The following EFCAB5 variants were observed in gnomAD, a reference collection of about 807,000 sequenced individuals.
The protein encoded by EFCAB5 is EF-hand calcium-binding domain-containing protein 5.
Under a neutral mutation model 167.9 loss-of-function variants are expected in EFCAB5, and 131 were observed. The ratio of observed to expected loss-of-function variants is 0.78; its 90% CI spans 0.68 to 0.90. The LOEUF is 0.90. EFCAB5 is among the 40% of genes least tolerant of loss of function. The probability of loss-of-function intolerance (pLI) is 0.00; values close to 1 mark genes in which losing one functional copy is unlikely to be tolerated. For missense variants in EFCAB5, 1,663 were observed against 1,745.2 expected (o/e 0.95, Z 0.84); for synonymous variants, 574 against 602.8 (o/e 0.95, Z 0.70).
At chr17:30,010,820 T>G (rs1413689616) in intron 7 of EFCAB5, among the ~76,000 whole-genome samples, 1 of 152,180 alleles carries the variant, frequency 6.6e-6, no homozygotes, top group Non-Finnish European at 1.5e-5. Context: ...TTAGATCCCA[T>G]TTGTCTATTT....
chr17:29,994,742 C>T (rs1232738393), intron 5 of EFCAB5, among the ~76,000 whole-genome samples: 1 of 152,118 alleles, frequency 6.6e-6, no homozygotes, highest in Non-Finnish European at 1.5e-5. Flanking sequence ...GGAACCCTGT[C>T]TCAAATACTA....
At chr17:30,073,784 A>G (rs1184393613) in intron 14 of EFCAB5, 2 of 585,216 alleles carry the variant, frequency 3.4e-6, no homozygotes, top group Non-Finnish European at 6.4e-6. Context: ...CAGAACAAAG[A>G]GCACTGTGAC....
chr17:30,098,037 C>A (rs1042506889), intron 22 of EFCAB5, among the ~76,000 whole-genome samples: 1 of 152,248 alleles, frequency 6.6e-6, no homozygotes, highest in African/African-American at 2.4e-5. Flanking sequence ...CTGGCTCAAG[C>A]AATCCTCTGG....
intron 3 of EFCAB5, among the ~76,000 whole-genome samples, chr17:29,954,867 C>A (rs2067582535): frequency 1.3e-5 from 2 of 152,218 alleles, no homozygotes; most frequent in Non-Finnish European, 2.9e-5. Flanking sequence ...GCTGTGGGAG[C>A]CCACCTCTTA....
intron 7 of EFCAB5, among the ~76,000 whole-genome samples, chr17:30,023,450 C>T (rs1026313439): frequency 6.6e-6 from 1 of 151,976 alleles, no homozygotes; most frequent in Non-Finnish European, 1.5e-5. Context: ...ATAAATTCCT[C>T]GACACATACA....
In EFCAB5 at chr17:30,053,277, G is replaced by A. The variant is rs191561359; in HGVS notation, c.1323G>A (p.Glu441=). 2.5e-6 allele frequency: 4 copies of A among 1,607,538 alleles called. No individual in the cohort carries two copies. The highest frequency in any genetic ancestry group is 3.4e-5 in the Admixed American group (2 of 58,920). Residue 441 remains glutamate (E), a synonymous_variant, in exon 10 of 23, where the codon GAG becomes GAA. Transcript: ENST00000394835. ...PRQWPFIEFE[E]INLTELWGDM... ...TAGGGCCATTCATTGAATTTGAAGA[G>A]ATAAACTTGACTGAGTTGTGGGGAG...
chr17:30,084,539 TCCTGCCAAAAGTCGGGGGAGAGAA>T (rs2071049196), intron 18 of EFCAB5, among the ~76,000 whole-genome samples: 3 of 152,120 alleles, frequency 2.0e-5, no homozygotes, highest in Admixed American at 6.6e-5. Context: ...GTGAAGAAGA[TCCTGCCAAAAGTCGGGGGAGAGAA>T]GGACCACCCA....
chr17:30,033,653 T>C (rs2069540772), intron 7 of EFCAB5, among the ~76,000 whole-genome samples: 1 of 152,170 alleles, frequency 6.6e-6, no homozygotes, highest in East Asian at 1.9e-4. Context: ...AGCTAGAAAT[T>C]CCACTTCTGG....
rs911310972 is a variant in EFCAB5, at chr17:29,986,637, A to ATTTT, written c.768-6502_768-6499dup. Among the ~76,000 whole-genome samples the ATTTT allele has an allele frequency of 1.7e-3, 97 of 58,074 alleles. 19 individuals carry two copies. The highest frequency in any genetic ancestry group is 3.2e-3 in the African/African-American group (45 of 14,268). The allele number at this position is 58,074 out of a possible 152,430, so 38.1% of individuals were successfully genotyped here. The stretch of plus-strand genomic sequence containing the variant: ...ATGCCTCAATTATAGGAGTATATTC[A>ATTTT]TTTTTTTTTTTTTTTTTTTTTTTTT... On this transcript the variant is annotated intron_variant, in intron 4 of 22. Transcript: ENST00000394835.
chr17:29,968,920 A>G lies in EFCAB5; in HGVS notation c.320A>G (p.Lys107Arg). Residue 107 changes from lysine to arginine, a missense_variant, in exon 4 of 23, where the codon AAA (lysine) becomes AGA (arginine). Physicochemically the swap from Lys to Arg is conservative, Grantham distance 26 (BLOSUM62 2). Coordinates refer to ENST00000394835, the MANE Select transcript of EFCAB5 (RefSeq NM_198529.4). Reference protein sequence around the residue: ...VIFALDETELKSKPEHTWKKN... With the variant: ...VIFALDETELRSKPEHTWKKN... ...TTTGCTTTAGATGAAACTGAACTGA[A>G]ATCAAAGCCAGAGCACACATGGAAG... 6.3e-7 allele frequency: 1 copy of G among 1,581,540 alleles called. No homozygotes were observed. The highest frequency in any genetic ancestry group is 8.6e-7 in the Non-Finnish European group (1 of 1,162,942).
chr17:30,047,533 A>G (rs1280538081), intron 8 of EFCAB5, among the ~76,000 whole-genome samples: 1 of 152,196 alleles, frequency 6.6e-6, no homozygotes, highest in Non-Finnish European at 1.5e-5. Flanking sequence ...GCTCATAAGT[A>G]TAATTAATAA....
rs546942865 is a variant in EFCAB5, at chr17:30,003,107, G to T, written c.1044+3131G>T. 8.6e-5 allele frequency among the ~76,000 whole-genome samples: 12 copies of T among 139,182 alleles called. No individual in the cohort carries two copies. The South Asian group carries it at 2.3e-3, about 27-fold the overall frequency. 91.3% of individuals were successfully genotyped at this position (139,182 alleles called of 152,430 possible). ...CTCTTTTTTTTTTGTAGCGGGGGGG[G>T]GGTCTGATATTTCCTCTGTTGTTCG... On this transcript the variant is annotated intron_variant, in intron 7 of 22. Transcript: ENST00000394835.
At chr17:29,950,040 G>T (rs905907513) in intron 3 of EFCAB5, among the ~76,000 whole-genome samples, 6 of 152,120 alleles carry the variant, frequency 3.9e-5, no homozygotes, top group African/African-American at 1.4e-4. Context: ...CAGGTTAAAA[G>T]GAAAGAGTAC....
rs71278522 is a variant in EFCAB5 at position 30,096,677 on chromosome 17, ATTTTTTTT to A, written c.4321+3754_4321+3761del. Among the ~76,000 whole-genome samples the A allele has an allele frequency of 1.7e-4, 10 of 60,128 alleles. No homozygotes were observed. In the East Asian group the frequency reaches 2.2e-3, roughly 13 times the overall value. 39.4% of individuals were successfully genotyped at this position (60,128 alleles called of 152,430 possible). On this transcript the variant is annotated intron_variant, in intron 22 of 22. Coordinates refer to ENST00000394835, the MANE Select transcript of EFCAB5 (RefSeq NM_198529.4). ...CATATATATATATATATATATATAT[ATTTTTTTT>A]TTTTTTTTTTTTGAGATGGAGTCTT... is the stretch of plus-strand genomic sequence containing the variant.
chr17:30,082,855 A>T (rs1026840761), intron 17 of EFCAB5, 36 bp from the exon 18 acceptor site: 2 of 1,556,522 alleles, frequency 1.3e-6, no homozygotes, highest in Middle Eastern at 2.0e-4. Context: ...TTCTATTTTA[A>T]AAAGAATAGG....
intron 14 of EFCAB5, among the ~76,000 whole-genome samples, chr17:30,066,195 A>G (rs1414052929): frequency 6.6e-6 from 1 of 152,188 alleles, no homozygotes; most frequent in Non-Finnish European, 1.5e-5. Context: ...AGGATAGACC[A>G]CATGCTAAGT....
intron 2 of EFCAB5, 21 bp from the exon 3 acceptor site, chr17:29,943,544 A>G (rs2067334249): frequency 6.5e-7 from 1 of 1,546,824 alleles, no homozygotes; most frequent in South Asian, 1.2e-5. Flanking sequence ...GAAATTGGTG[A>G]TTTTTTTCCT....
chr17:29,993,134 T>C (rs1369710045), intron 4 of EFCAB5, 31 bp from the exon 5 acceptor site: 5 of 1,563,114 alleles, frequency 3.2e-6, no homozygotes, highest in Non-Finnish European at 4.3e-6. Flanking sequence ...GGGTATTAAC[T>C]CAACATGTTT....
At chr17:30,074,896 G>A (rs2070838027) in intron 14 of EFCAB5, among the ~76,000 whole-genome samples, 1 of 151,958 alleles carries the variant, frequency 6.6e-6, no homozygotes, top group Non-Finnish European at 1.5e-5. Flanking sequence ...CATTACTCAT[G>A]AGTCTCCTCT....
Sources: gnomAD v4.1 joint callset for allele counts (sites outside exome capture counted in the v4.1 genomes callset) on GRCh38, gnomAD v4.1.1 for gene constraint, MANE v1.5 for transcripts, NCBI Gene and HGNC (gene_info 2026-07-23, HGNC 2026-07-21) for gene names.